RIPOR2: variants seen among roughly 807,000 people sequenced by gnomAD.
The protein encoded by RIPOR2 is RHO family interacting cell polarization regulator 2.
Under a neutral mutation model 114.5 loss-of-function variants are expected in RIPOR2, and 39 were observed. The observed-to-expected ratio is 0.34, with a 90% CI of 0.26 to 0.44. RIPOR2 has a LOEUF of 0.44. RIPOR2 is among the 20% of genes least tolerant of loss of function. The pLI, the probability that RIPOR2 is intolerant of heterozygous loss-of-function variation, is 1.00. For missense variants in RIPOR2, 1,007 were observed against 1,255.1 expected, an observed-to-expected ratio of 0.80 and a Z score of 2.99; for synonymous variants, 445 against 484.4, an observed-to-expected ratio of 0.92 and a Z score of 1.07.
chr6:24,840,664 C>G, intron 13 of RIPOR2: 1 of 1,533,834 alleles, frequency 6.5e-7, no homozygotes, highest in African/African-American at 1.4e-5. Flanking sequence ...CACAAAAGCA[C>G]ATGGGAAAAC....
chr6:24,841,323 G>A (rs1761693534), intron 13 of RIPOR2, among the ~76,000 whole-genome samples: 1 of 152,156 alleles, frequency 6.6e-6, no homozygotes, highest in Admixed American at 6.5e-5. Flanking sequence ...TAGAATACCA[G>A]ACAAGCAGCC....
At chr6:24,950,778 G>A (rs1209021892) in intron 1 of RIPOR2, among the ~76,000 whole-genome samples, 1 of 146,184 alleles carries the variant, frequency 6.8e-6, no homozygotes, top group East Asian at 1.9e-4. Flanking sequence ...AGCCTAAAGT[G>A]CAGCTATCTA....
intron 1 of RIPOR2, among the ~76,000 whole-genome samples, chr6:25,038,051 T>A (rs953959327): frequency 9.9e-5 from 15 of 152,230 alleles, no homozygotes; most frequent in African/African-American, 3.4e-4. Flanking sequence ...ATGAAGCAAA[T>A]ATGGCAAAAT....
intron 7 of RIPOR2, among the ~76,000 whole-genome samples, chr6:24,864,500 C>G (rs184413188): frequency 1.3e-5 from 2 of 152,286 alleles, no homozygotes; most frequent in East Asian, 3.9e-4. Context: ...CAGGGCTGAA[C>G]CAGATGCTCA....
At chr6:24,828,760 G>C (rs1760415541) in intron 17 of RIPOR2, among the ~76,000 whole-genome samples, 4 of 151,778 alleles carry the variant, frequency 2.6e-5, no homozygotes, top group Admixed American at 2.6e-4. Flanking sequence ...AGGAGGAAGA[G>C]ACAAGTGAGA....
intron 1 of RIPOR2, among the ~76,000 whole-genome samples, chr6:24,917,057 A>G (rs1770131783): frequency 6.6e-6 from 1 of 152,182 alleles, no homozygotes; most frequent in Non-Finnish European, 1.5e-5. Context: ...CTCATATATT[A>G]TTATTATATT....
chr6:24,884,180 G>A (rs57372855), intron 1 of RIPOR2, among the ~76,000 whole-genome samples: 2,928 of 152,068 alleles, frequency 0.019, 80 homozygotes, highest in African/African-American at 0.064. Context: ...AGGCTGAGGC[G>A]GGCGGATCAT....
intron 21 of RIPOR2, among the ~76,000 whole-genome samples, chr6:24,808,678 G>A (rs1367054612): frequency 2.0e-5 from 3 of 151,912 alleles, no homozygotes; most frequent in Non-Finnish European, 4.4e-5. Flanking sequence ...GATTATGTCT[G>A]AGGATTTCTA....
At chr6:25,029,951 G>A (rs1400842609) in intron 1 of RIPOR2, among the ~76,000 whole-genome samples, 2 of 152,122 alleles carry the variant, frequency 1.3e-5, no homozygotes, top group Non-Finnish European at 2.9e-5. Flanking sequence ...TTAACTCAAG[G>A]TAGGGAAAGA....
chr6:24,969,030 T>C (rs945449787), intron 1 of RIPOR2, among the ~76,000 whole-genome samples: 1 of 152,156 alleles, frequency 6.6e-6, no homozygotes, highest in African/African-American at 2.4e-5. Context: ...TTCCCATCAT[T>C]AGACAAGCGA....
intron 1 of RIPOR2, among the ~76,000 whole-genome samples, chr6:25,039,898 T>C (rs917187206): frequency 3.9e-5 from 6 of 152,204 alleles, no homozygotes; most frequent in Non-Finnish European, 7.4e-5. Context: ...AGTATTTTGC[T>C]TGATGCAAAT....
At chr6:24,876,938 T>G (rs2113907506) in intron 1 of RIPOR2, 1 of 982,140 alleles carries the variant, frequency 1.0e-6, no homozygotes, top group East Asian at 1.1e-4. Flanking sequence ...TCAGGAGGAG[T>G]CAAAGCACAT....
chr6:24,934,942 A>C lies in RIPOR2; in HGVS notation c.61+896T>G, dbSNP rs146381018. 4.3e-3 allele frequency among the ~76,000 whole-genome samples: 649 copies of C among 152,296 alleles called. 5 individuals carry two copies. Among genetic ancestry groups the C allele is most frequent in the African/African-American group, 0.014 (593 of 41,554 alleles). On this transcript the variant is annotated intron_variant, in intron 1 of 21. Coordinates refer to ENST00000643898, the MANE Select transcript of RIPOR2 (RefSeq NM_001286445.3). ...AAGCTACCAGGGCTCCAGTATCCCG[A>C]CTTGGGAAAAAAGAAAATTGGAAAA...
intron 1 of RIPOR2, among the ~76,000 whole-genome samples, chr6:24,954,413 A>G (rs1236855542): frequency 6.7e-6 from 1 of 150,244 alleles, no homozygotes; most frequent in African/African-American, 2.4e-5. Context: ...GCTGCAACAC[A>G]GGAATCACAC....
chr6:24,832,499 G>A, intron 15 of RIPOR2, 108 bp from the exon 16 acceptor site: 1 of 963,124 alleles, frequency 1.0e-6, no homozygotes, highest in Non-Finnish European at 1.5e-6. Context: ...ATAAACTCAT[G>A]CGATGTTTTT....
chr6:25,030,174 G>A (rs544891779), intron 1 of RIPOR2, among the ~76,000 whole-genome samples: 25 of 152,072 alleles, frequency 1.6e-4, no homozygotes, highest in African/African-American at 5.5e-4. Context: ...AAAGATCTCT[G>A]TTTTCTGTAC....
At chr6:24,879,788 T>C (rs1022680025) in intron 1 of RIPOR2, among the ~76,000 whole-genome samples, 2 of 152,220 alleles carry the variant, frequency 1.3e-5, no homozygotes, top group African/African-American at 4.8e-5. Context: ...TTATCAACTG[T>C]CATTCTATTG....
At chr6:24,980,626 T>C (rs541578281) in intron 1 of RIPOR2, among the ~76,000 whole-genome samples, 1 of 152,180 alleles carries the variant, frequency 6.6e-6, no homozygotes. Context: ...TGAGGAGTCA[T>C]GTGTACACAG....
intron 11 of RIPOR2, among the ~76,000 whole-genome samples, chr6:24,849,247 A>G (rs541836916): frequency 6.6e-6 from 1 of 152,308 alleles, no homozygotes; most frequent in Admixed American, 6.5e-5. Flanking sequence ...TCACCGGGTG[A>G]ATTTGGAAAA....
Sources: gnomAD v4.1 joint callset for allele counts (sites outside exome capture counted in the v4.1 genomes callset) on GRCh38, gnomAD v4.1.1 for gene constraint, MANE v1.5 for transcripts, NCBI Gene and HGNC (gene_info 2026-07-23, HGNC 2026-07-21) for gene names.